Variants in SRD5A2 observed in about 807,000 individuals in gnomAD.
SRD5A2 encodes steroid 5 alpha-reductase 2, also known as 3-oxo-5-alpha-steroid 4-dehydrogenase 2.
Under a neutral mutation model 27.4 loss-of-function variants are expected in SRD5A2, and 30 were observed. The ratio of observed to expected loss-of-function variants is 1.10; its 90% CI spans 0.82 to 1.49. The LOEUF (loss-of-function observed/expected upper bound fraction) is 1.49, where lower values mean the gene tolerates loss of function less well. Ranked by LOEUF, SRD5A2 falls within the 40% of genes most tolerant of loss-of-function variation. The pLI is 0.00. For missense variants in SRD5A2, 348 were observed against 323.4 expected (o/e 1.08, Z -0.58); for synonymous variants, 141 against 133.6 (o/e 1.06, Z -0.38).
chr2:31,606,544 T>G, the SRD5A2 span, among the ~76,000 whole-genome samples: 3 of 151,928 alleles, frequency 2.0e-5, no homozygotes, highest in African/African-American at 7.2e-5. Context: ...CTTCCCAGCA[T>G]CTGAGTGTGA....
chr2:31,602,375 G>C, the SRD5A2 span, among the ~76,000 whole-genome samples: 2 of 151,666 alleles, frequency 1.3e-5, no homozygotes, highest in Non-Finnish European at 3.0e-5. Flanking sequence ...GGATCAAGGA[G>C]AATTACCAAC....
chr2:31,590,018 T>C, the SRD5A2 span, among the ~76,000 whole-genome samples: 2 of 152,002 alleles, frequency 1.3e-5, no homozygotes, highest in Admixed American at 1.3e-4. Context: ...TGGTGACATG[T>C]ATAATGCAGT....
chr2:31,563,894 G>A (rs1225546660), intron 1 of SRD5A2, among the ~76,000 whole-genome samples: 1 of 151,992 alleles, frequency 6.6e-6, no homozygotes, highest in African/African-American at 2.4e-5. Flanking sequence ...CACTCTTCTG[G>A]AACCACTGAA....
At chr2:31,549,568 G>A (rs1390654681) in intron 1 of SRD5A2, among the ~76,000 whole-genome samples, 1 of 152,082 alleles carries the variant, frequency 6.6e-6, no homozygotes, top group Non-Finnish European at 1.5e-5. Context: ...AATGTTAAAA[G>A]TAAAAATGAA....
chr2:31,526,768 T>C (rs889368898), intron 4 of SRD5A2, among the ~76,000 whole-genome samples: 5 of 152,126 alleles, frequency 3.3e-5, no homozygotes, highest in Non-Finnish European at 5.9e-5. Context: ...TCAAAAGATA[T>C]GTTGAAGTCC....
At chr2:31,630,549 A>G in the SRD5A2 span, among the ~76,000 whole-genome samples, 1 of 152,176 alleles carries the variant, frequency 6.6e-6, no homozygotes, top group African/African-American at 2.4e-5. Context: ...TAGCCTTCCT[A>G]TCAAAAATCC....
At chr2:31,590,492 TG>T in the SRD5A2 span, among the ~76,000 whole-genome samples, 1 of 152,144 alleles carries the variant, frequency 6.6e-6, no homozygotes, top group Non-Finnish European at 1.5e-5. Context: ...ATCATGAAAA[TG>T]GCCATACTGC....
Position 31,580,920 on chromosome 2 carries a change from G to A in SRD5A2, c.-20C>T, listed in dbSNP as rs769873996. On this transcript the variant is annotated 5_prime_UTR_variant, in exon 1 of 5. Coordinates refer to ENST00000622030, the MANE Select transcript of SRD5A2 (RefSeq NM_000348.4). The stretch of plus-strand genomic sequence containing the variant: ...CTGCATCGCGCCGTGTTCCTCGCCG[G>A]TGGCCGCTGCCCTCCCAGAAGAGAG... The A allele has an allele frequency of 3.4e-5, 54 of 1,586,140 alleles. No individual in the cohort carries two copies. Among genetic ancestry groups the A allele is most frequent in the Non-Finnish European group, 4.5e-5 (53 of 1,165,008 alleles).
chr2:31,630,855 A>G, the SRD5A2 span, among the ~76,000 whole-genome samples: 133 of 152,322 alleles, frequency 8.7e-4, no homozygotes, highest in African/African-American at 3.1e-3. Context: ...CAAAGGTCCG[A>G]CCAGACCTAG....
At chr2:31,633,339 A>T in the SRD5A2 span, among the ~76,000 whole-genome samples, 1 of 152,200 alleles carries the variant, frequency 6.6e-6, no homozygotes, top group Non-Finnish European at 1.5e-5. Context: ...GATAGCACCC[A>T]TCAGATGGCC....
At chr2:31,590,933 AT>A in the SRD5A2 span, among the ~76,000 whole-genome samples, 1 of 152,214 alleles carries the variant, frequency 6.6e-6, no homozygotes. Flanking sequence ...ACAAAAATTA[AT>A]TCAAGATGGA....
intron 1 of SRD5A2, among the ~76,000 whole-genome samples, chr2:31,572,496 G>T (rs1019149486): frequency 1.3e-5 from 2 of 152,096 alleles, no homozygotes; most frequent in African/African-American, 4.8e-5. Flanking sequence ...GAATAAAAGA[G>T]ACAAGTCACA....
intron 1 of SRD5A2, among the ~76,000 whole-genome samples, chr2:31,568,450 T>C (rs1480567036): frequency 6.6e-6 from 1 of 152,186 alleles, no homozygotes; most frequent in Non-Finnish European, 1.5e-5. Context: ...GGGCAGTTCC[T>C]TCCCACAGCT....
At chr2:31,561,725 A>C (rs1450936198) in intron 1 of SRD5A2, among the ~76,000 whole-genome samples, 1 of 152,136 alleles carries the variant, frequency 6.6e-6, no homozygotes, top group African/African-American at 2.4e-5. Context: ...GATTCCCCAG[A>C]ATGATAGAAA....
At chr2:31,559,921 A>T (rs983408659) in intron 1 of SRD5A2, among the ~76,000 whole-genome samples, 1 of 151,986 alleles carries the variant, frequency 6.6e-6, no homozygotes, top group Non-Finnish European at 1.5e-5. Flanking sequence ...TAAGCTCTGA[A>T]GAGTAATCTC....
chr2:31,537,377 T>C (rs1666047974), intron 1 of SRD5A2, among the ~76,000 whole-genome samples: 1 of 151,550 alleles, frequency 6.6e-6, no homozygotes, highest in African/African-American at 2.4e-5. Flanking sequence ...CTTTCCTCCT[T>C]CCCCCTCCTC....
chr2:31,659,699 A>G, the SRD5A2 span, among the ~76,000 whole-genome samples: 1 of 152,164 alleles, frequency 6.6e-6, no homozygotes, highest in Non-Finnish European at 1.5e-5. Context: ...AAACAAATGG[A>G]AAAACATTCC....
the SRD5A2 span, among the ~76,000 whole-genome samples, chr2:31,655,092 T>C: frequency 6.6e-6 from 1 of 152,178 alleles, no homozygotes; most frequent in South Asian, 2.1e-4. Context: ...TGTGCTTTTT[T>C]TAATTTTTTT....
chr2:31,618,532 G>T, the SRD5A2 span, among the ~76,000 whole-genome samples: 1 of 152,020 alleles, frequency 6.6e-6, no homozygotes, highest in African/African-American at 2.4e-5. Flanking sequence ...CAACAACATG[G>T]ATGGTACAGG....
Sources: allele counts gnomAD v4.1 joint callset (sites outside exome capture counted in the v4.1 genomes callset), GRCh38; gene constraint gnomAD v4.1.1; transcripts MANE v1.5; gene names NCBI Gene and HGNC (gene_info 2026-07-23, HGNC 2026-07-21).